ATG4D: variants seen among roughly 807,000 people sequenced by gnomAD.
The protein encoded by ATG4D is cysteine protease ATG4D.
A neutral mutation model predicts 55.2 loss-of-function variants in ATG4D; 51 were observed. The ratio of observed to expected loss-of-function variants is 0.92; its 90% CI spans 0.74 to 1.17. The LOEUF (loss-of-function observed/expected upper bound fraction) is 1.17, where lower values mean the gene tolerates loss of function less well. Among genes scored for constraint, ATG4D ranks in the 50% most tolerant of loss-of-function variants. The probability of loss-of-function intolerance (pLI) is 0.00; values close to 1 mark genes in which losing one functional copy is unlikely to be tolerated. For missense variants in ATG4D, 635 were observed against 649.6 expected, an observed-to-expected ratio of 0.98 and a Z score of 0.25; for synonymous variants, 268 against 266.2, an observed-to-expected ratio of 1.01 and a Z score of -0.07.
chr19:10,544,591 C>A, intron 1 of ATG4D, 192 bp from the exon 2 acceptor site: 1 of 1,203,722 alleles, frequency 8.3e-7, no homozygotes, highest in Non-Finnish European at 1.1e-6. Flanking sequence ...TCAGAACTAC[C>A]TTCCTTCATC....
rs747336560 is a variant in ATG4D, at chr19:10,553,054, T to C, written c.1412T>C (p.Phe471Ser). The change falls in exon 10 of 10, where the codon TTT (phenylalanine) becomes TCT (serine). Residue 471 changes from phenylalanine (F) to serine (S), a missense_variant. Coordinates refer to ENST00000309469, the MANE Select transcript of ATG4D (RefSeq NM_032885.6). ...GCCAAACGCCCCAGCTCTGAGGACT[T>C]TGTGTTTTTATAAAGGGAGGGGATG... ...LRAKRPSSED[F>S]VFL 8.1e-6 allele frequency: 13 copies of C among 1,600,778 alleles called. No individual in the cohort carries two copies. The highest frequency in any genetic ancestry group is 4.3e-6 in the Non-Finnish European group (5 of 1,174,532).
intron 9 of ATG4D, among the ~76,000 whole-genome samples, chr19:10,552,584 C>T (rs1236518710): frequency 4.6e-5 from 7 of 152,188 alleles, no homozygotes; most frequent in African/African-American, 1.4e-4. Context: ...CCCTGCTGTC[C>T]GACCAGGACT....
At chr19:10,548,880 C>G (rs777383602) in intron 5 of ATG4D, 24 bp from the exon 6 acceptor site, 1 of 1,608,580 alleles carries the variant, frequency 6.2e-7, no homozygotes, top group South Asian at 1.1e-5. Flanking sequence ...AAGAAGGTGA[C>G]CTGCTGCTGT....
chr19:10,546,538 G>A (rs1368375511), intron 3 of ATG4D, among the ~76,000 whole-genome samples: 2 of 151,060 alleles, frequency 1.3e-5, no homozygotes, highest in Non-Finnish European at 2.9e-5. Flanking sequence ...TTTTTTATCA[G>A]AGAAGGGGTT....
At chr19:10,547,627 A>G (rs367620969) in intron 5 of ATG4D, among the ~76,000 whole-genome samples, 1,457 of 25,018 alleles carry the variant, frequency 0.058, 28 homozygotes, top group East Asian at 0.2. Context: ...GATCCTGTCG[A>G]AAAAAAAAAA....
chr19:10,545,727 T>C (rs2144683883), intron 3 of ATG4D, among the ~76,000 whole-genome samples: 1 of 151,474 alleles, frequency 6.6e-6, no homozygotes, highest in Admixed American at 6.6e-5. Context: ...AATACAAAAA[T>C]TAGCTGGGTG....
chr19:10,547,034 A>G lies in ATG4D; in HGVS notation c.689A>G (p.His230Arg). 1 of 1,586,602 alleles carries G rather than the reference A, an allele frequency of 6.3e-7. No individual in the cohort carries two copies. Among genetic ancestry groups the G allele is most frequent in the Non-Finnish European group, 8.6e-7 (1 of 1,167,422 alleles). The change falls in exon 4 of 10, where the codon CAC becomes CGC. Residue 230 changes from histidine (H) to arginine (R), a missense_variant. Transcript: ENST00000309469. ...ADHPRAPFGL[H>R]RLVELGQSSG... The stretch of plus-strand genomic sequence containing the variant: ...CACCCCCGGGCCCCCTTTGGCCTAC[A>G]CCGGCTGGTGGAGCTTGGGCAGAGC...
intron 9 of ATG4D, 127 bp from the exon 10 acceptor site, chr19:10,552,758 T>C: frequency 4.1e-6 from 4 of 981,090 alleles, no homozygotes; most frequent in Non-Finnish European, 6.0e-6. Flanking sequence ...GGCCAGGGGA[T>C]GGAAGGTGCT....
intron 6 of ATG4D, among the ~76,000 whole-genome samples, chr19:10,550,869 T>G (rs1042642776): frequency 2.6e-5 from 4 of 151,786 alleles, no homozygotes; most frequent in African/African-American, 9.7e-5. Context: ...CCGCCACCAC[T>G]CCTGGCTAAT....
chr19:10,549,128 CT>C (rs35786570), intron 6 of ATG4D, 94 bp downstream of exon 6: 57,366 of 1,042,910 alleles, frequency 0.055, no homozygotes, highest in South Asian at 0.085. Flanking sequence ...GCCCTCATCA[CT>C]TTTTTTTTTT....
chr19:10,544,067 T>C lies in ATG4D; in HGVS notation c.-24T>C. 8.1e-7 allele frequency: 1 copy of C among 1,230,882 alleles called. No individual in the cohort carries two copies. Among genetic ancestry groups the C allele is most frequent in the Non-Finnish European group, 1.0e-6 (1 of 982,746 alleles). The allele number at this position is 1,230,882 out of a possible 1,614,324, so 76.2% of individuals were successfully genotyped here. On this transcript the variant is annotated 5_prime_UTR_variant, in exon 1 of 10. Transcript: ENST00000309469. The stretch of plus-strand genomic sequence containing the variant: ...CGGCCGCAGCCCCCCACCTGGGCCC[T>C]CGGTCCGCCCTCCCGGCGCGTCCAT...
intron 6 of ATG4D, among the ~76,000 whole-genome samples, chr19:10,551,434 C>T (rs1916223457): frequency 6.6e-6 from 1 of 151,550 alleles, no homozygotes; most frequent in South Asian, 2.1e-4. Flanking sequence ...TGCACTCCAG[C>T]CTGTAATCCC....
chr19:10,553,026 A>G lies in ATG4D; in HGVS notation c.1384A>G (p.Arg462Gly), dbSNP rs1218593535. 2 of 1,611,956 alleles carry G rather than the reference A, an allele frequency of 1.2e-6. No homozygotes were observed. The highest frequency in any genetic ancestry group is 2.2e-5 in the South Asian group (2 of 91,080). Residue 462 changes from arginine (R) to glycine (G), a missense_variant, in exon 10 of 10, where the codon AGG (arginine) becomes GGG (glycine). Transcript: ENST00000309469. ...GCTCCCTCGCACAGGGCGGCTCCTCAGGGCCAAACGCCCCAGCTCTGAGGA... is the reference window on the plus strand; with the variant it reads ...GCTCCCTCGCACAGGGCGGCTCCTCGGGGCCAAACGCCCCAGCTCTGAGGA... ...LRLPRTGRLL[R>G]AKRPSSEDFV...
chr19:10,548,537 T>C (rs1374391654), intron 5 of ATG4D, among the ~76,000 whole-genome samples: 1 of 152,118 alleles, frequency 6.6e-6, no homozygotes, highest in Non-Finnish European at 1.5e-5. Context: ...GTTTAGGGGC[T>C]GAGTGCCCAG....
In ATG4D at chr19:10,552,184, T is replaced by G. The variant is rs749131513; in HGVS notation, c.1123-21T>G. On this transcript the variant is annotated intron_variant, in intron 8 of 9. Coordinates refer to ENST00000309469, the MANE Select transcript of ATG4D (RefSeq NM_032885.6). ...GGGTGGGCAGCCCAGCCTCTGAGCC[T>G]TCCTCGTCTGTCTGCCCCAGTCCTT... The G allele has an allele frequency of 6.2e-6, 10 of 1,610,960 alleles. No individual in the cohort carries two copies. The African/African-American group carries it at 6.7e-5, about 11-fold the overall frequency.
intron 8 of ATG4D, 28 bp downstream of exon 8, chr19:10,552,149 G>A: frequency 1.2e-6 from 2 of 1,611,074 alleles, no homozygotes. Flanking sequence ...TGTGTGGTTG[G>A]GGCCATGGCG....
intron 3 of ATG4D, 47 bp from the exon 4 acceptor site, chr19:10,546,792 G>GC (rs765946139): frequency 7.3e-6 from 11 of 1,512,712 alleles, no homozygotes; most frequent in African/African-American, 4.2e-5. Flanking sequence ...TGGGACCTCT[G>GC]CCCCCCACAC....
In ATG4D at chr19:10,544,822, C is replaced by G. The variant is rs373491968; in HGVS notation, c.275C>G (p.Ser92Cys). 6.2e-6 allele frequency: 10 copies of G among 1,614,076 alleles called. No homozygotes were observed. Among genetic ancestry groups the G allele is most frequent in the Non-Finnish European group, 8.5e-6 (10 of 1,179,930 alleles). ...AGCCGGACCAGCTTTAGCAAGATCT[C>G]CAGCATCCACCTCTGTGGCCGCCGC... ...VKSRTSFSKISSIHLCGRRYR... is the reference protein window; with the variant it reads ...VKSRTSFSKICSIHLCGRRYR... Residue 92 changes from serine to cysteine, a missense_variant, in exon 2 of 10, where the codon TCC (serine) becomes TGC (cysteine). Physicochemically the swap from Ser to Cys is moderately radical, Grantham distance 112 (BLOSUM62 -1). Transcript: ENST00000309469.
In ATG4D at chr19:10,547,134, A is replaced by C; in HGVS notation, c.770+19A>C. The C allele has an allele frequency of 6.2e-7, 1 of 1,609,730 alleles. No homozygotes were observed. The highest frequency in any genetic ancestry group is 8.5e-7 in the Non-Finnish European group (1 of 1,177,684). On this transcript the variant is annotated intron_variant, in intron 4 of 9. Coordinates refer to ENST00000309469, the MANE Select transcript of ATG4D (RefSeq NM_032885.6). Reference sequence around the variant, plus strand: ...TCCTCAGGTGAGGGCTGCTGCAGGGATCACGGGAGTTGCTGGGTACCCGCA... The same window carrying C: ...TCCTCAGGTGAGGGCTGCTGCAGGGCTCACGGGAGTTGCTGGGTACCCGCA...
Sources: gnomAD v4.1 joint callset for allele counts (sites outside exome capture counted in the v4.1 genomes callset) on GRCh38, gnomAD v4.1.1 for gene constraint, MANE v1.5 for transcripts, NCBI Gene and HGNC (gene_info 2026-07-23, HGNC 2026-07-21) for gene names.